Variants in MBTPS1 observed in about 807,000 individuals in gnomAD.
MBTPS1 encodes the protein membrane-bound transcription factor site-1 protease.
Under a neutral mutation model 127.8 loss-of-function variants are expected in MBTPS1, and 94 were observed. The ratio of observed to expected loss-of-function variants is 0.74; its 90% CI spans 0.62 to 0.87. The LOEUF (loss-of-function observed/expected upper bound fraction) is 0.87, where lower values mean the gene tolerates loss of function less well. Ranked by LOEUF, MBTPS1 falls within the 40% of genes least tolerant of loss-of-function variation. MBTPS1 has a pLI of 0.00. For synonymous variants in MBTPS1, 632 were observed against 509.4 expected (o/e 1.24, Z -3.24); for missense variants, 1,636 against 1,353.2 (o/e 1.21, Z -3.28).
At chr16:84,101,064 G>A (rs1385644028) in intron 2 of MBTPS1, among the ~76,000 whole-genome samples, 2 of 151,670 alleles carry the variant, frequency 1.3e-5, no homozygotes, top group East Asian at 3.9e-4. Context: ...ACTCTGGGAG[G>A]CCAAGGCAGG....
intron 2 of MBTPS1, 31 bp downstream of exon 2, chr16:84,101,590 G>C (rs374735484): frequency 4.5e-6 from 7 of 1,545,898 alleles, no homozygotes; most frequent in Non-Finnish European, 6.2e-6. Context: ...AATAGGATGG[G>C]AGTTCCTAAT....
Position 84,099,119 on chromosome 16 carries a change from C to T in MBTPS1, c.355G>A (p.Asp119Asn). 1 of 1,614,152 alleles carries T rather than the reference C, an allele frequency of 6.2e-7. No homozygotes were observed. The highest frequency in any genetic ancestry group is 8.5e-7 in the Non-Finnish European group (1 of 1,180,014). Residue 119 changes from aspartate to asparagine, a missense_variant, in exon 3 of 23, where the codon GAT (aspartate) becomes AAT (asparagine). Transcript: ENST00000343411. ...GTGACCCGTTTGATGTTTGGATGAT[C>T]TTCAAGTGTTAGCAGCCCCGCTTTC... ...KQKAGLLTLE[D>N]HPNIKRVTPQ...
At chr16:84,092,391 A>G (rs528464824) in intron 6 of MBTPS1, among the ~76,000 whole-genome samples, 1 of 152,342 alleles carries the variant, frequency 6.6e-6, no homozygotes, top group African/African-American at 2.4e-5. Context: ...TTTAAAAAAT[A>G]TAAAATTAAG....
chr16:84,090,852 T>A, intron 8 of MBTPS1, 23 bp downstream of exon 8: 1 of 1,578,486 alleles, frequency 6.3e-7, no homozygotes, highest in Non-Finnish European at 8.7e-7. Flanking sequence ...ATCCCCGAGG[T>A]CATCCCTGCT....
At chr16:84,093,341 G>A (rs1567496216) in intron 5 of MBTPS1, 44 bp from the exon 6 acceptor site, 1 of 1,286,294 alleles carries the variant, frequency 7.8e-7, no homozygotes. Flanking sequence ...ACACTGAATA[G>A]CAAGTGCCAG....
chr16:84,062,516 A>G (rs997621409), intron 19 of MBTPS1, among the ~76,000 whole-genome samples: 25 of 151,942 alleles, frequency 1.6e-4, no homozygotes, highest in Non-Finnish European at 3.5e-4. Flanking sequence ...GCACACACAC[A>G]CCTCTCAGCG....
Position 84,070,587 on chromosome 16 carries a change from C to T in MBTPS1, c.1782+1G>A. 1 of 1,611,670 alleles carries T rather than the reference C, an allele frequency of 6.2e-7. No homozygotes were observed. The highest frequency in any genetic ancestry group is 1.7e-5 in the Admixed American group (1 of 59,706). ...CAAGCCACTTTCCCGCATATCCCTA[C>T]CTCTGTCTCTGCTGGGGAAGCCACA... On this transcript the variant is annotated splice_donor_variant, in intron 13 of 22. Transcript: ENST00000343411. LOFTEE classifies it high-confidence loss of function.
At chr16:84,098,995 G>C in intron 3 of MBTPS1, 58 bp downstream of exon 3, 1 of 1,508,144 alleles carries the variant, frequency 6.6e-7, no homozygotes, top group Non-Finnish European at 9.1e-7. Flanking sequence ...CTACTCTGCA[G>C]TTTGAGATTT....
intron 9 of MBTPS1, among the ~76,000 whole-genome samples, 185 bp downstream of exon 9, chr16:84,087,173 T>C (rs1445755521): frequency 1.3e-5 from 2 of 152,182 alleles, no homozygotes; most frequent in Non-Finnish European, 2.9e-5. Flanking sequence ...AAGTGGCAGA[T>C]GCTGACGGGG....
intron 20 of MBTPS1, chr16:84,060,456 A>G: frequency 2.0e-6 from 1 of 488,690 alleles, no homozygotes; most frequent in Non-Finnish European, 3.7e-6. Context: ...GCACGTGGGA[A>G]AGCAGCTGCA....
intron 1 of MBTPS1, among the ~76,000 whole-genome samples, chr16:84,109,914 A>T (rs2086376052): frequency 6.6e-6 from 1 of 152,174 alleles, no homozygotes; most frequent in South Asian, 2.1e-4. Flanking sequence ...TACACCCACT[A>T]AAACACCGGG....
intron 11 of MBTPS1, chr16:84,081,529 T>C (rs923857298): frequency 1.9e-5 from 7 of 363,918 alleles, no homozygotes; most frequent in Non-Finnish European, 3.4e-5. Flanking sequence ...TCATTACTTT[T>C]AACCATTTAT....
chr16:84,060,750 A>C lies in MBTPS1; in HGVS notation c.2636T>G (p.Leu879Arg), dbSNP rs1309514648. The change falls in exon 20 of 23, where the codon CTC becomes CGC. Residue 879 changes from leucine to arginine, a missense_variant. Transcript: ENST00000343411. ...GCGCTGGCGGTTCCCAGAGTGACTG[A>C]GGCTAGGCGGTGTCACCCCATACGA... Reference protein sequence around the residue: ...YTSYGVTPPSLSHSGNRQRPP... With the variant: ...YTSYGVTPPSRSHSGNRQRPP... 1 of 1,611,412 alleles carries C rather than the reference A, an allele frequency of 6.2e-7. No individual in the cohort carries two copies. Among genetic ancestry groups the C allele is most frequent in the Non-Finnish European group, 8.5e-7 (1 of 1,178,920 alleles).
At chr16:84,083,177 TCAA>T (rs1597328713) in intron 10 of MBTPS1, among the ~76,000 whole-genome samples, 3 of 152,282 alleles carry the variant, frequency 2.0e-5, no homozygotes, top group East Asian at 3.9e-4. Flanking sequence ...GTTTCCAGAA[TCAA>T]CAACATTAGA....
intron 1 of MBTPS1, among the ~76,000 whole-genome samples, chr16:84,116,380 G>T (rs1309275603): frequency 6.6e-6 from 1 of 152,176 alleles, no homozygotes; most frequent in Non-Finnish European, 1.5e-5. Context: ...GCAAAGAATC[G>T]ACGTCTTTTA....
At chr16:84,063,470 C>A (rs200166892) in intron 18 of MBTPS1, 25 bp from the exon 19 acceptor site, 51 of 1,609,748 alleles carry the variant, frequency 3.2e-5, no homozygotes, top group Admixed American at 1.5e-4. Context: ...CAAAAAACAA[C>A]AGCCATGAGA....
intron 10 of MBTPS1, 125 bp from the exon 11 acceptor site, chr16:84,082,033 T>G: frequency 1.7e-6 from 1 of 593,396 alleles, no homozygotes; most frequent in Non-Finnish European, 2.5e-6. Context: ...CAACAGGTGC[T>G]TGTCTGGCAC....
intron 9 of MBTPS1, chr16:84,086,208 A>C (rs567649546): frequency 6.6e-6 from 1 of 152,388 alleles, no homozygotes; most frequent in Non-Finnish European, 1.5e-5. Flanking sequence ...TGCCATTAAA[A>C]AGCTGGCTGG....
chr16:84,091,680 G>T, intron 7 of MBTPS1, 52 bp downstream of exon 7: 3 of 1,274,674 alleles, frequency 2.4e-6, no homozygotes, highest in African/African-American at 1.5e-5. Context: ...AAGTTGGGCT[G>T]CGAAAGAGCA....
Sources: allele counts gnomAD v4.1 joint callset (sites outside exome capture counted in the v4.1 genomes callset), GRCh38; gene constraint gnomAD v4.1.1; transcripts MANE v1.5; gene names NCBI Gene and HGNC (gene_info 2026-07-23, HGNC 2026-07-21).